Variants in KCP observed in about 807,000 individuals in gnomAD.
The protein encoded by KCP is kielin/chordin-like protein.
Under a neutral mutation model 212.7 loss-of-function variants are expected in KCP, and 194 were observed. The observed-to-expected ratio is 0.91, with a 90% CI of 0.81 to 1.03. The LOEUF (loss-of-function observed/expected upper bound fraction) is 1.03. KCP is among the 50% of genes least tolerant of loss of function. The pLI, the probability that KCP is intolerant of heterozygous loss-of-function variation, is 0.00. For synonymous variants in KCP, 833 were observed against 865.3 expected (o/e 0.96, Z 0.65); for missense variants, 2,080 against 2,162.5 (o/e 0.96, Z 0.76).
At chr7:128,899,246 C>G (rs1036471126) in intron 8 of KCP, among the ~76,000 whole-genome samples, 2 of 152,144 alleles carry the variant, frequency 1.3e-5, no homozygotes, top group African/African-American at 2.4e-5. Flanking sequence ...TTATTATATG[C>G]CACAAGAGTA....
At chr7:128,888,787 G>A (rs976984443) in intron 22 of KCP, 76 bp downstream of exon 22, 38 of 1,374,502 alleles carry the variant, frequency 2.8e-5, no homozygotes, top group Non-Finnish European at 3.6e-5. Flanking sequence ...GGGAGGGCTG[G>A]GAGGAAAGTG....
chr7:128,904,176 C>A, intron 5 of KCP, 38 bp from the exon 6 acceptor site: 1 of 1,539,664 alleles, frequency 6.5e-7, no homozygotes, highest in Admixed American at 2.0e-5. Flanking sequence ...GGTCACCAGG[C>A]AGCAGGGTGG....
chr7:128,902,696 G>A (rs1204547611), intron 8 of KCP, 81 bp downstream of exon 8: 3 of 1,287,574 alleles, frequency 2.3e-6, no homozygotes, highest in South Asian at 1.3e-5. Context: ...CCTCTGCGAA[G>A]TACTCCATAG....
At chr7:128,904,394 A>T in intron 5 of KCP, 1 of 1,537,394 alleles carries the variant, frequency 6.5e-7, no homozygotes, top group Non-Finnish European at 8.8e-7. Context: ...CAGGGCAGAC[A>T]CTGAGCCAGC....
At chr7:128,880,940 C>T (rs1311805312) in intron 32 of KCP, 57 bp downstream of exon 32, 3 of 398,828 alleles carry the variant, frequency 7.5e-6, no homozygotes, top group Non-Finnish European at 1.3e-5. Flanking sequence ...GTGTTGGACA[C>T]TCCTCCCTTT....
intron 1 of KCP, among the ~76,000 whole-genome samples, chr7:128,909,975 G>A (rs1333166252): frequency 3.3e-5 from 5 of 152,124 alleles, no homozygotes; most frequent in Admixed American, 2.0e-4. Flanking sequence ...CTAGACTCCC[G>A]TGGGGCCTCA....
Position 128,877,515 on chromosome 7 carries a change from C to G in KCP, c.4587G>C (p.Val1529=). ...GCGTGGGGCCTCGCCAGGTAGGTGT[C>G]ACTCCTGCCTGGCGACAGTGACTGG... ...AYASHCRQAG[V]TPTWRGPTLC... is the part of the protein sequence containing the mutation. Residue 1529 remains valine (V), a synonymous_variant, in exon 39 of 40, where the codon GTG becomes GTC. Transcript: ENST00000610776. 1 of 1,551,366 alleles carries G rather than the reference C, an allele frequency of 6.4e-7. No homozygotes were observed. The highest frequency in any genetic ancestry group is 2.4e-5 in the East Asian group (1 of 40,924).
chr7:128,904,241 T>C (rs1280527594), intron 5 of KCP, 103 bp from the exon 6 acceptor site: 2 of 1,535,168 alleles, frequency 1.3e-6, no homozygotes, highest in Non-Finnish European at 1.8e-6. Context: ...ACCCTTGGGG[T>C]TGAAGGGATG....
At chr7:128,899,872 AAATTTGACT>A (rs1794748473) in intron 8 of KCP, among the ~76,000 whole-genome samples, 17 of 151,958 alleles carry the variant, frequency 1.1e-4, no homozygotes, top group South Asian at 4.1e-4. Flanking sequence ...TTAAGGAATC[AAATTTGACT>A]TGTAGAGCCA....
rs773941574 is a variant in KCP, at chr7:128,877,725, T to G, written c.4377A>C (p.Ala1459=). Residue 1459 remains alanine, a synonymous_variant, in exon 39 of 40, where the codon GCA becomes GCC. Transcript: ENST00000610776. ...CCTCACGCCTGGCACGGTAACCTGC[T>G]GCCCGGCACGGATCCACCTCTCGGC... is the stretch of plus-strand genomic sequence containing the variant. ...SAGREVDPCR[A]AGYRARREAN... is the part of the protein sequence containing the mutation. The G allele has an allele frequency of 6.4e-7, 1 of 1,551,000 alleles. No homozygotes were observed.
Position 128,910,478 on chromosome 7 carries a change from C to A in KCP, c.76+123G>T, listed in dbSNP as rs1024395087. 6 of 897,006 alleles carry A rather than the reference C, an allele frequency of 6.7e-6. No individual in the cohort carries two copies. In the East Asian group the frequency reaches 9.8e-5, roughly 15 times the overall value. The allele number at this position is 897,006 out of a possible 1,614,324, so 55.6% of individuals were successfully genotyped here. On this transcript the variant is annotated intron_variant, in intron 1 of 39. Transcript: ENST00000610776. Reference sequence around the variant, plus strand: ...GGGAGGACGGAGCTGGCCAGGGAGGCGCGCGAACCTCAGGCAGGGCTAAGA... The same window carrying A: ...GGGAGGACGGAGCTGGCCAGGGAGGAGCGCGAACCTCAGGCAGGGCTAAGA...
rs760204461 is a variant in KCP at position 128,877,570 on chromosome 7, G to A, written c.4532C>T (p.Ala1511Val). 61 of 1,551,456 alleles carry A rather than the reference G, an allele frequency of 3.9e-5. 1 individual carries two copies. The Middle Eastern group carries it at 5.0e-4, about 13-fold the overall frequency. The stretch of plus-strand genomic sequence containing the variant: ...GGCTTCCAGGGCATCACAGAGGCAG[G>A]CATCAGCGGAGGAGCCAGGGCCACA... ...CACGPGSSAD[A>V]CLCDALEAYA... Residue 1511 changes from alanine to valine, a missense_variant, in exon 39 of 40, where the codon GCC becomes GTC. Transcript: ENST00000610776.
In KCP at chr7:128,908,412, T is replaced by G. The variant is rs1393964272; in HGVS notation, c.219+14A>C. 1 of 1,548,210 alleles carries G rather than the reference T, an allele frequency of 6.5e-7. No individual in the cohort carries two copies. The highest frequency in any genetic ancestry group is 1.4e-5 in the African/African-American group (1 of 72,990). The stretch of plus-strand genomic sequence containing the variant: ...CTCCTTACCCAATGCAAACCAGCAC[T>G]GTCTCCATGGTACCTGTTCTCTGAG... On this transcript the variant is annotated intron_variant, in intron 2 of 39. Coordinates refer to ENST00000610776, the MANE Select transcript of KCP (RefSeq NM_001366122.1).
intron 8 of KCP, among the ~76,000 whole-genome samples, chr7:128,901,099 C>T (rs557760292): frequency 1.3e-5 from 2 of 152,266 alleles, no homozygotes; most frequent in Admixed American, 6.5e-5. Context: ...AAGATGGCGA[C>T]GAGAGTGACC....
At chr7:128,879,651 G>A (rs1323975878) in intron 36 of KCP, 28 bp from the exon 37 acceptor site, 7 of 1,549,008 alleles carry the variant, frequency 4.5e-6, no homozygotes, top group South Asian at 1.2e-5. Flanking sequence ...TGGGAGGAGG[G>A]GTGATGTCGA....
Position 128,877,287 on chromosome 7 carries a change from C to T in KCP, c.4643G>A (p.Gly1548Asp). 6.6e-7 allele frequency: 1 copy of T among 1,511,848 alleles called. No individual in the cohort carries two copies. The highest frequency in any genetic ancestry group is 8.8e-7 in the Non-Finnish European group (1 of 1,133,664). The allele number at this position is 1,511,848 out of a possible 1,614,324, so 93.7% of individuals were successfully genotyped here. Residue 1548 changes from glycine to aspartate, a missense_variant, in exon 40 of 40, where the codon GGC becomes GAC. Coordinates refer to ENST00000610776, the MANE Select transcript of KCP (RefSeq NM_001366122.1). ...LCVVGCPLER[G>D]FVFDECGPPC... Reference sequence around the variant, plus strand: ...TGGGCCGCACTCATCAAACACGAAGCCACGCTCCAGGGGGCAGCCTACCAC... The same window carrying T: ...TGGGCCGCACTCATCAAACACGAAGTCACGCTCCAGGGGGCAGCCTACCAC...
chr7:128,890,893 C>T lies in KCP; in HGVS notation c.2164+12G>A. On this transcript the variant is annotated intron_variant, in intron 20 of 39. Coordinates refer to ENST00000610776, the MANE Select transcript of KCP (RefSeq NM_001366122.1). Reference sequence around the variant, plus strand: ...ACGCGGGTGGCCGGGAGGGGCACCGCCAGGGCGTTACCGTCGCAGGAGGGG... The same window carrying T: ...ACGCGGGTGGCCGGGAGGGGCACCGTCAGGGCGTTACCGTCGCAGGAGGGG... 1.6e-6 allele frequency: 2 copies of T among 1,250,480 alleles called. No individual in the cohort carries two copies. Among genetic ancestry groups the T allele is most frequent in the Non-Finnish European group, 2.0e-6 (2 of 1,002,428 alleles). 77.5% of individuals were successfully genotyped at this position (1,250,480 alleles called of 1,614,324 possible).
chr7:128,895,804 T>C (rs1427378680), intron 8 of KCP, among the ~76,000 whole-genome samples: 1 of 152,214 alleles, frequency 6.6e-6, no homozygotes, highest in Non-Finnish European at 1.5e-5. Flanking sequence ...GTCAGGAAGT[T>C]ACCCTATGTG....
At chr7:128,905,410 C>T (rs1795075583) in intron 5 of KCP, among the ~76,000 whole-genome samples, 1 of 152,166 alleles carries the variant, frequency 6.6e-6, no homozygotes, top group Non-Finnish European at 1.5e-5. Flanking sequence ...ATGACCTCCT[C>T]TTCCTCCCAG....
Sources: gnomAD v4.1 joint callset for allele counts (sites outside exome capture counted in the v4.1 genomes callset) on GRCh38, gnomAD v4.1.1 for gene constraint, MANE v1.5 for transcripts, NCBI Gene and HGNC (gene_info 2026-07-23, HGNC 2026-07-21) for gene names.